Variants in WIZ observed in about 807,000 individuals in gnomAD.
The protein encoded by WIZ is WIZ zinc finger, also known as protein Wiz.
Under a neutral mutation model 140.2 loss-of-function variants are expected in WIZ, and 25 were observed. The ratio of observed to expected loss-of-function variants is 0.18; its 90% CI spans 0.13 to 0.25. The LOEUF is 0.25. Among genes scored for constraint, WIZ ranks in the 10% least tolerant of loss-of-function variants. The pLI is 1.00. For synonymous variants in WIZ, 1,125 were observed against 1,154.3 expected, an observed-to-expected ratio of 0.97 and a Z score of 0.51; for missense variants, 2,231 against 2,632.6, an observed-to-expected ratio of 0.85 and a Z score of 3.34.
rs1239201381 is a variant in WIZ, at chr19:15,421,558, G to T, written c.*1518C>A. ...CAAAATCTCTTAAAATCTCAGAAAT[G>T]TTCAATAAACATTTGCAGAGCGAGA... On this transcript the variant is annotated 3_prime_UTR_variant, in exon 13 of 13. Transcript: ENST00000673675. 6.6e-6 allele frequency: 1 copy of T among 152,214 alleles called. No homozygotes were observed. 9.4% of individuals were successfully genotyped at this position (152,214 alleles called of 1,614,324 possible). A position where few individuals can be genotyped will look rare whatever the true frequency, so the allele number is the denominator to read the frequency against.
chr19:15,423,668 TTGACTC>T (rs1412463392), intron 12 of WIZ, among the ~76,000 whole-genome samples: 4 of 152,244 alleles, frequency 2.6e-5, no homozygotes, highest in African/African-American at 9.6e-5. Context: ...AGACGTGGCT[TTGACTC>T]TGACTTCTGA....
chr19:15,423,208 G>A lies in WIZ; in HGVS notation c.5538C>T (p.Pro1846=). 6.2e-7 allele frequency: 1 copy of A among 1,613,770 alleles called. No homozygotes were observed. Among genetic ancestry groups the A allele is most frequent in the Non-Finnish European group, 8.5e-7 (1 of 1,179,918 alleles). ...GCACCCACTCTTCCTGGATGGAGAGGGGGCCCTGGAATTCCACCTCACAGA... is the reference window on the plus strand; with the variant it reads ...GCACCCACTCTTCCTGGATGGAGAGAGGGCCCTGGAATTCCACCTCACAGA... ...CRFCEVEFQG[P]LSIQEEWVRH... The change falls in exon 13 of 13, where the codon CCC becomes CCT. Residue 1846 remains proline (P), a synonymous_variant. Coordinates refer to ENST00000673675, the MANE Select transcript of WIZ (RefSeq NM_001371589.1).
rs962602177 is a variant in WIZ, at chr19:15,438,013, G to GCA, written c.2416+563_2416+564dup. ...TGCGTAGACACACACACACACACAC[G>GCA]CACACACACACACTCAAACACCATA... On this transcript the variant is annotated intron_variant, in intron 4 of 12. Transcript: ENST00000673675. 1.7e-4 allele frequency among the ~76,000 whole-genome samples: 25 copies of GCA among 151,260 alleles called. No homozygotes were observed. The East Asian group carries it at 4.5e-3, about 27-fold the overall frequency.
chr19:15,420,392 T>A lies in WIZ; in HGVS notation c.*2684A>T, dbSNP rs1968324898. The A allele has an allele frequency of 6.6e-6, 1 of 152,220 alleles. No homozygotes were observed. The highest frequency in any genetic ancestry group is 2.1e-4 in the South Asian group (1 of 4,828). The allele number at this position is 152,220 out of a possible 1,614,324, so 9.4% of individuals were successfully genotyped here. On this transcript the variant is annotated 3_prime_UTR_variant, in exon 13 of 13. Transcript: ENST00000673675. ...GCAAACTCCAAACATGAAGCAGAGA[T>A]CTGACGGATAAGCACTCTGGCTTCG...
chr19:15,430,537 C>G (rs1196138965), intron 6 of WIZ, among the ~76,000 whole-genome samples: 2 of 152,312 alleles, frequency 1.3e-5, no homozygotes, highest in East Asian at 3.9e-4. Flanking sequence ...AGCCTTTATC[C>G]TTGCCTATCT....
rs1360159596 is a variant in WIZ, at chr19:15,424,371, T to C, written c.5322A>G (p.Glu1774=). 2 of 1,600,002 alleles carry C rather than the reference T, an allele frequency of 1.3e-6. No homozygotes were observed. Among genetic ancestry groups the C allele is most frequent in the Admixed American group, 3.5e-5 (2 of 56,978 alleles). ...EHQRQNINKF[E]RRQARPPDAS... ...CATCTGGAGGGCGGGCTTGTCGGCGTTCAAATTCTAAGGTGGAGAGGGGGA... is the reference window on the plus strand; with the variant it reads ...CATCTGGAGGGCGGGCTTGTCGGCGCTCAAATTCTAAGGTGGAGAGGGGGA... Residue 1774 remains glutamate, a synonymous_variant, in exon 12 of 13, where the codon GAA becomes GAG. Coordinates refer to ENST00000673675, the MANE Select transcript of WIZ (RefSeq NM_001371589.1). This position sits in a 1 kb window ranked among gnomAD's most constrained non-coding sequence, Gnocchi z 9.7.
Position 15,424,202 on chromosome 19 carries a change from T to A in WIZ, c.5491A>T (p.Ile1831Phe). The change falls in exon 12 of 13, where the codon ATC becomes TTC. Residue 1831 changes from isoleucine (I) to phenylalanine (F), a missense_variant. This residue lies in a region of WIZ where 299 missense variants were observed against 309.6 expected (regional missense o/e 0.97). Transcript: ENST00000673675. The surrounding 1 kb of genome is among the most constrained non-coding windows in gnomAD (Gnocchi z 9.7). Reference sequence around the variant, plus strand: ...GCCTACCTGCATTTGAGGGTGTAGATGTTGCCCACGAACTTGACAAGTGAT... The same window carrying A: ...GCCTACCTGCATTTGAGGGTGTAGAAGTTGCCCACGAACTTGACAAGTGAT... The part of the protein sequence containing the change: ...QTSLVKFVGN[I>F]YTLKCRFCEV... 1 of 1,567,844 alleles carries A rather than the reference T, an allele frequency of 6.4e-7. No individual in the cohort carries two copies. The highest frequency in any genetic ancestry group is 8.6e-7 in the Non-Finnish European group (1 of 1,159,638).
Position 15,428,237 on chromosome 19 carries a change from C to T in WIZ, c.3687G>A (p.Pro1229=), listed in dbSNP as rs912534263. 2.9e-5 allele frequency: 45 copies of T among 1,530,306 alleles called. No individual in the cohort carries two copies. Among genetic ancestry groups the T allele is most frequent in the Admixed American group, 7.9e-5 (4 of 50,338 alleles). The allele number at this position is 1,530,306 out of a possible 1,614,324, so 94.8% of individuals were successfully genotyped here. A position where few individuals can be genotyped will look rare whatever the true frequency, so the allele number is the denominator to read the frequency against. Residue 1229 remains proline (P), a synonymous_variant, in exon 8 of 13, where the codon CCG becomes CCA. Transcript: ENST00000673675. The surrounding 1 kb of genome is among the most constrained non-coding windows in gnomAD (Gnocchi z 6.4). ...SAALSLLPPP[P]PAKKAKLKAA... ...CCTTCAGCTTGGCCTTCTTGGCCGG[C>T]GGTGGGGGGGGAAGCAAGGAGAGGG...
chr19:15,425,807 G>C (rs1968734112), intron 9 of WIZ, 39 bp from the exon 10 acceptor site: 1 of 109,160 alleles, frequency 9.2e-6, no homozygotes, highest in Non-Finnish European at 1.4e-5. Context: ...AGGAGGAGGA[G>C]GAGGAGGAGG....
chr19:15,437,852 G>A (rs1288156418), intron 4 of WIZ, among the ~76,000 whole-genome samples: 3 of 152,162 alleles, frequency 2.0e-5, no homozygotes, highest in Non-Finnish European at 4.4e-5. Flanking sequence ...TCTGAGCCCT[G>A]CAACTGGAGT....
At chr19:15,430,958 G>A (rs1969194351) in intron 6 of WIZ, 54 bp downstream of exon 6, 5 of 1,473,750 alleles carry the variant, frequency 3.4e-6, no homozygotes. Flanking sequence ...GAGTGCTCCT[G>A]TGAGTGTAAC....
chr19:15,425,543 G>A lies in WIZ; in HGVS notation c.4592C>T (p.Ala1531Val), dbSNP rs200879015. The change falls in exon 10 of 13, where the codon GCC becomes GTC. Residue 1531 changes from alanine (A) to valine (V), a missense_variant. Transcript: ENST00000673675. ...GGTGGGAGGCCCGTCCTCAGCCAGG[G>A]CAGGGGCCAGGTCTCCAGCCGGTGG... ...KEPPAGDLAP[A>V]LAEDGPPTVA... 31 of 1,612,296 alleles carry A rather than the reference G, an allele frequency of 1.9e-5. No individual in the cohort carries two copies. The highest frequency in any genetic ancestry group is 2.3e-5 in the Non-Finnish European group (27 of 1,179,308).
rs1163427314 is a variant in WIZ at position 15,438,808 on chromosome 19, G to A, written c.2186C>T (p.Pro729Leu). 5 of 1,515,758 alleles carry A rather than the reference G, an allele frequency of 3.3e-6. No individual in the cohort carries two copies. The Admixed American group carries it at 6.0e-5, about 18-fold the overall frequency. The allele number at this position is 1,515,758 out of a possible 1,614,324, so 93.9% of individuals were successfully genotyped here. A position where few individuals can be genotyped will look rare whatever the true frequency, so the allele number is the denominator to read the frequency against. ...FLLLDAPLGG[P>L]LGLDTLLDGD... ...ATCCAGGAGTGTGTCCAGCCCCAGC[G>A]GGCCGCCCAGCGGCGCGTCCAGGAG... The change falls in exon 4 of 13, where the codon CCG becomes CTG. Residue 729 changes from proline to leucine, a missense_variant. Physicochemically the swap from Pro to Leu is moderately conservative, Grantham distance 98. Transcript: ENST00000673675.
chr19:15,424,748 C>G lies in WIZ; in HGVS notation c.5179G>C (p.Ala1727Pro). ...CCTCCGGCACTGCGGCCGACCACGGCCAGGCCCCCGGGTGCCAGCCCCAGG... is the reference window on the plus strand; with the variant it reads ...CCTCCGGCACTGCGGCCGACCACGGGCAGGCCCCCGGGTGCCAGCCCCAGG... ...PSLGLAPGGL[A>P]VVGRSAGGEP... The change falls in exon 11 of 13, where the codon GCC becomes CCC. Residue 1727 changes from alanine to proline, a missense_variant. Ala to Pro is a conservative substitution (Grantham distance 27, BLOSUM62 -1). Coordinates refer to ENST00000673675, the MANE Select transcript of WIZ (RefSeq NM_001371589.1). The surrounding 1 kb of genome is among the most constrained non-coding windows in gnomAD (Gnocchi z 9.7). 1 of 1,570,488 alleles carries G rather than the reference C, an allele frequency of 6.4e-7. No individual in the cohort carries two copies. Among genetic ancestry groups the G allele is most frequent in the South Asian group, 1.2e-5 (1 of 86,514 alleles).
chr19:15,433,292 T>G (rs574795060), intron 5 of WIZ: 1 of 985,358 alleles, frequency 1.0e-6, no homozygotes, highest in East Asian at 1.1e-4. Flanking sequence ...CCTGCTTCTC[T>G]CTCCGATTGT....
In WIZ at chr19:15,429,839, G is replaced by A. The variant is rs987335781; in HGVS notation, c.3162C>T (p.Gly1054=). The change falls in exon 7 of 13, where the codon GGC becomes GGT. Residue 1054 remains glycine (G), a synonymous_variant. Transcript: ENST00000673675. ...KEVVAGAPRP[G]LLSLAKPLDA... ...CCAAGGGCTTGGCCAGGCTGAGCAA[G>A]CCGGGCCGGGGGGCCCCGGCGACCA... The A allele has an allele frequency of 5.9e-6, 9 of 1,530,172 alleles. No homozygotes were observed. In the African/African-American group the frequency reaches 9.6e-5, roughly 16 times the overall value. The allele number at this position is 1,530,172 out of a possible 1,614,324, so 94.8% of individuals were successfully genotyped here.
chr19:15,439,522 T>C lies in WIZ; in HGVS notation c.1472A>G (p.His491Arg). 6.5e-7 allele frequency: 1 copy of C among 1,533,114 alleles called. No homozygotes were observed. The highest frequency in any genetic ancestry group is 8.7e-7 in the Non-Finnish European group (1 of 1,145,218). 95.0% of individuals were successfully genotyped at this position (1,533,114 alleles called of 1,614,324 possible). ...ATAAGCCTCGCCATCCTCCTCCCAG[T>C]GGGGATGGGCATGCACCAGCCTCAC... ...EHVRLVHAHP[H>R]WEEDGEAYEE... The change falls in exon 4 of 13, where the codon CAC (histidine) becomes CGC (arginine). Residue 491 changes from histidine (H) to arginine (R), a missense_variant. Physicochemically the swap from His to Arg is conservative, Grantham distance 29 (BLOSUM62 0). Around this residue, in one of 15 missense-constraint regions of WIZ, gnomAD observed 475 missense variants for 520.2 expected, o/e 0.91. Transcript: ENST00000673675. This position sits in a 1 kb window ranked among gnomAD's most constrained non-coding sequence, Gnocchi z 7.0.
chr19:15,435,776 C>A (rs1350955463), intron 5 of WIZ, among the ~76,000 whole-genome samples: 9 of 151,250 alleles, frequency 6.0e-5, no homozygotes. Flanking sequence ...TGACTGAGAT[C>A]GCACCACTGC....
chr19:15,436,235 T>C (rs1370111572), intron 5 of WIZ, among the ~76,000 whole-genome samples: 1 of 152,262 alleles, frequency 6.6e-6, no homozygotes, highest in African/African-American at 2.4e-5. Flanking sequence ...ATGGTGTCCC[T>C]GTAAGACGTG....
Sources: allele counts gnomAD v4.1 joint callset (sites outside exome capture counted in the v4.1 genomes callset), GRCh38; gene constraint gnomAD v4.1.1; regional missense constraint gnomAD v4.1.1; non-coding constraint Gnocchi (gnomAD v3.1); transcripts MANE v1.5; gene names NCBI Gene and HGNC (gene_info 2026-07-23, HGNC 2026-07-21).